SLIT1: variants seen among roughly 807,000 people sequenced by gnomAD.
SLIT1 encodes the protein slit homolog 1 protein.
Under a neutral mutation model 186.1 loss-of-function variants are expected in SLIT1, and 66 were observed. That is an observed-to-expected ratio of 0.35 (90% CI 0.29 to 0.44). The LOEUF is 0.44. SLIT1 is among the 20% of genes least tolerant of loss of function. The probability of loss-of-function intolerance (pLI) is 1.00; values close to 1 mark genes in which losing one functional copy is unlikely to be tolerated. For synonymous variants in SLIT1, 761 were observed against 833.8 expected, an observed-to-expected ratio of 0.91 and a Z score of 1.50; for missense variants, 1,638 against 2,037.4, an observed-to-expected ratio of 0.80 and a Z score of 3.77.
At chr10:97,070,293 C>T (rs566207448) in intron 4 of SLIT1, among the ~76,000 whole-genome samples, 10 of 152,328 alleles carry the variant, frequency 6.6e-5, no homozygotes, top group South Asian at 2.1e-4. Context: ...TCCAGCGTTG[C>T]TTTGAGGCAT....
intron 4 of SLIT1, among the ~76,000 whole-genome samples, chr10:97,099,385 A>T (rs551031015): frequency 1.3e-5 from 2 of 151,476 alleles, no homozygotes; most frequent in Admixed American, 1.3e-4. Flanking sequence ...AACACAGCTG[A>T]GTGGGGCTGC....
At position 97,166,526 on chromosome 10, in the gene SLIT1, AGAAAGAAG is replaced by A. The variant is rs1180543232; in HGVS notation, c.198-1644_198-1637del. On this transcript the variant is annotated intron_variant, in intron 1 of 36. Transcript: ENST00000266058. ...AACAAAACTCTGTCTCCAAAAAAAAAGAAAGAAGGAAGGAAGGAAGGAAGGAAGGAAAG... is the reference window on the plus strand; with the variant it reads ...AACAAAACTCTGTCTCCAAAAAAAAAGAAGGAAGGAAGGAAGGAAGGAAAG... Among the ~76,000 whole-genome samples the A allele has an allele frequency of 7.9e-3, 316 of 40,140 alleles. 9 individuals are homozygous for A. Among genetic ancestry groups the A allele is most frequent in the African/African-American group, 0.021 (302 of 14,260 alleles). 26.3% of individuals were successfully genotyped at this position (40,140 alleles called of 152,430 possible). A position where few individuals can be genotyped will look rare whatever the true frequency, so the allele number is the denominator to read the frequency against.
intron 8 of SLIT1, among the ~76,000 whole-genome samples, 199 bp downstream of exon 8, chr10:97,063,256 T>G (rs1848909714): frequency 7.1e-6 from 1 of 140,404 alleles, no homozygotes; most frequent in Non-Finnish European, 1.5e-5. Context: ...AGTCAGGAGG[T>G]GATGGATGGG....
rs1355444700 is a variant in SLIT1 at position 97,004,435 on chromosome 10, T to A, written c.3711-213A>T. ...GGCTGAGAGGTTTGAGGCAGGGGTC[T>A]CAAACTTACAAGTCTCCCCCTCCCC... On this transcript the variant is annotated intron_variant, in intron 33 of 36. Coordinates refer to ENST00000266058, the MANE Select transcript of SLIT1 (RefSeq NM_003061.3). The surrounding 1 kb of genome is among the most constrained non-coding windows in gnomAD (Gnocchi z 5.1). 6.6e-6 allele frequency among the ~76,000 whole-genome samples: 1 copy of A among 152,148 alleles called. No individual in the cohort carries two copies. Among genetic ancestry groups the A allele is most frequent in the African/African-American group, 2.4e-5 (1 of 41,420 alleles).
At chr10:97,093,293 T>C (rs1260820715) in intron 4 of SLIT1, among the ~76,000 whole-genome samples, 1 of 152,192 alleles carries the variant, frequency 6.6e-6, no homozygotes, top group Non-Finnish European at 1.5e-5. Flanking sequence ...CAAAATCCAT[T>C]CTCCCCTTTT....
chr10:97,088,357 A>C (rs1339342532), intron 4 of SLIT1, among the ~76,000 whole-genome samples: 1 of 152,142 alleles, frequency 6.6e-6, no homozygotes, highest in Non-Finnish European at 1.5e-5. Flanking sequence ...AGGATGACTG[A>C]TGCTAACTAG....
intron 4 of SLIT1, among the ~76,000 whole-genome samples, chr10:97,155,776 G>C (rs1849942867): frequency 1.3e-5 from 2 of 152,176 alleles, no homozygotes; most frequent in Non-Finnish European, 2.9e-5. Flanking sequence ...ACATAGGAGG[G>C]GGAAAGAATT....
Position 97,162,983 on chromosome 10 carries a change from C to T in SLIT1, c.341+397G>A, listed in dbSNP as rs149676249. ...GGCCCTGTGCACCTAAGACACCAAT[C>T]CCCCGGGGCTTCCCTGACAGGTTCC... On this transcript the variant is annotated intron_variant, in intron 3 of 36. Coordinates refer to ENST00000266058, the MANE Select transcript of SLIT1 (RefSeq NM_003061.3). 1.8e-3 allele frequency among the ~76,000 whole-genome samples: 268 copies of T among 152,352 alleles called. 6 individuals are homozygous for T. Among genetic ancestry groups the T allele is most frequent in the African/African-American group, 6.3e-3 (261 of 41,592 alleles).
At chr10:97,055,541 A>T (rs543328231) in intron 13 of SLIT1, among the ~76,000 whole-genome samples, 14 of 151,898 alleles carry the variant, frequency 9.2e-5, no homozygotes, top group East Asian at 3.9e-4. Flanking sequence ...TTTAAAAAAA[A>T]ATTTCTTGTG....
chr10:97,043,261 C>A lies in SLIT1; in HGVS notation c.1997+109G>T, dbSNP rs538949066. On this transcript the variant is annotated intron_variant, in intron 19 of 36. Coordinates refer to ENST00000266058, the MANE Select transcript of SLIT1 (RefSeq NM_003061.3). The surrounding 1 kb of genome is among the most constrained non-coding windows in gnomAD (Gnocchi z 7.0). ...AATGTGGAACCCACGTTTCAGCAAA[C>A]CACGAAGACCCAGCACCCCCAGGGT... is the stretch of plus-strand genomic sequence containing the variant. 2 of 1,451,926 alleles carry A rather than the reference C, an allele frequency of 1.4e-6. No individual in the cohort carries two copies. The highest frequency in any genetic ancestry group is 2.3e-5 in the East Asian group (1 of 43,962). The allele number at this position is 1,451,926 out of a possible 1,614,324, so 89.9% of individuals were successfully genotyped here.
At chr10:97,163,293 C>T (rs1589417355) in intron 3 of SLIT1, 87 bp downstream of exon 3, 2 of 1,144,446 alleles carry the variant, frequency 1.7e-6, no homozygotes, top group Non-Finnish European at 2.6e-6. Context: ...CCCATGAGTG[C>T]CCCTCATCCC....
At chr10:97,101,364 G>T (rs1254728990) in intron 4 of SLIT1, 3 of 152,230 alleles carry the variant, frequency 2.0e-5, no homozygotes, top group Admixed American at 6.5e-5. Context: ...TCCCCTCCTG[G>T]AAGCAAAACT....
At chr10:97,119,913 G>GTGTATATATATATATATA (rs1241836707) in intron 4 of SLIT1, among the ~76,000 whole-genome samples, 23 of 56,520 alleles carry the variant, frequency 4.1e-4, no homozygotes, top group Admixed American at 8.2e-4. Context: ...TTCCAAAGGG[G>GTGTATATATATATATATA]TATATATATA....
Position 97,010,952 on chromosome 10 carries a change from G to C in SLIT1, c.3341+41C>G. On this transcript the variant is annotated intron_variant, in intron 31 of 36. Transcript: ENST00000266058. This position sits in a 1 kb window ranked among gnomAD's most constrained non-coding sequence, Gnocchi z 4.8. ...GCTCCTGCCAGCCCAGGGGCTGACA[G>C]CCACAAGGAGTCACTCCTAGTGTGT... The C allele has an allele frequency of 6.3e-7, 1 of 1,595,340 alleles. No individual in the cohort carries two copies. Among genetic ancestry groups the C allele is most frequent in the Non-Finnish European group, 8.6e-7 (1 of 1,168,312 alleles).
At chr10:97,079,801 T>A (rs1380510666) in intron 4 of SLIT1, among the ~76,000 whole-genome samples, 3 of 152,302 alleles carry the variant, frequency 2.0e-5, no homozygotes, top group African/African-American at 7.2e-5. Flanking sequence ...GAGTCTCTAG[T>A]ACAGCAATAC....
At chr10:97,034,246 C>T (rs1848618033) in intron 23 of SLIT1, among the ~76,000 whole-genome samples, 1 of 152,108 alleles carries the variant, frequency 6.6e-6, no homozygotes, top group Non-Finnish European at 1.5e-5. Flanking sequence ...TATTTTTTTG[C>T]ACTATTTACT....
At chr10:97,025,867 T>C (rs1848540584) in intron 25 of SLIT1, among the ~76,000 whole-genome samples, 2 of 152,138 alleles carry the variant, frequency 1.3e-5, no homozygotes, top group Non-Finnish European at 2.9e-5. Context: ...ATCCCACTCC[T>C]AGGCGATCTA....
chr10:97,059,035 A>C (rs886094171), intron 11 of SLIT1, among the ~76,000 whole-genome samples: 3 of 152,230 alleles, frequency 2.0e-5, no homozygotes, highest in African/African-American at 7.2e-5. Context: ...AAAGATAGCA[A>C]GTTGTGGCAG....
In SLIT1 at chr10:97,071,056, C is replaced by T. The variant is rs191965402; in HGVS notation, c.414-4970G>A. Among the ~76,000 whole-genome samples the T allele has an allele frequency of 1.2e-4, 19 of 152,284 alleles. No individual in the cohort carries two copies. In the East Asian group the frequency reaches 2.9e-3, roughly 23 times the overall value. ...AACTCCTGGCCTCAAGTGATTCACC[C>T]ACCTCAGCCTCCCAATACAATATTT... is the stretch of plus-strand genomic sequence containing the variant. On this transcript the variant is annotated intron_variant, in intron 4 of 36. Coordinates refer to ENST00000266058, the MANE Select transcript of SLIT1 (RefSeq NM_003061.3).
Sources: allele counts gnomAD v4.1 joint callset (sites outside exome capture counted in the v4.1 genomes callset), GRCh38; gene constraint gnomAD v4.1.1; non-coding constraint Gnocchi (gnomAD v3.1); transcripts MANE v1.5; gene names NCBI Gene and HGNC (gene_info 2026-07-23, HGNC 2026-07-21).